The following TMIGD3 variants were observed in gnomAD, a reference collection of about 807,000 sequenced individuals.
TMIGD3 encodes AD026 protein (AD026).
A neutral mutation model predicts 28.1 loss-of-function variants in TMIGD3; 21 were observed. That is an observed-to-expected ratio of 0.75 (90% confidence interval 0.53 to 1.08). TMIGD3 has a LOEUF of 1.08. Ranked by LOEUF, TMIGD3 falls within the 50% of genes least tolerant of loss-of-function variation. The probability of loss-of-function intolerance (pLI) is 0.00; values close to 1 mark genes in which losing one functional copy is unlikely to be tolerated. For missense variants in TMIGD3, 416 were observed against 435.6 expected (o/e 0.96, Z 0.40); for synonymous variants, 151 against 162.1 (o/e 0.93, Z 0.52).
At chr1:111,526,615 T>C (rs1340976732) in intron 1 of TMIGD3, among the ~76,000 whole-genome samples, 20 of 152,168 alleles carry the variant, frequency 1.3e-4, no homozygotes, top group Non-Finnish European at 5.9e-5. Context: ...TTTATTACAA[T>C]GAAAGAACAT....
At chr1:111,488,252 T>C (rs1407749435) in intron 3 of TMIGD3, among the ~76,000 whole-genome samples, 1 of 151,796 alleles carries the variant, frequency 6.6e-6, no homozygotes, top group East Asian at 1.9e-4. Context: ...AGACTGAGTC[T>C]CACTCTATCG....
chr1:111,516,812 G>A (rs891504072), intron 1 of TMIGD3, among the ~76,000 whole-genome samples: 4 of 152,220 alleles, frequency 2.6e-5, no homozygotes, highest in African/African-American at 9.6e-5. Flanking sequence ...AGGAAAGCCA[G>A]AAATCCACAA....
chr1:111,527,164 C>T (rs1335482694), intron 1 of TMIGD3, among the ~76,000 whole-genome samples: 1 of 151,916 alleles, frequency 6.6e-6, no homozygotes, highest in Non-Finnish European at 1.5e-5. Context: ...GTGCATGCCA[C>T]CACACCCAGA....
intron 1 of TMIGD3, among the ~76,000 whole-genome samples, chr1:111,540,737 C>T (rs1322542514): frequency 6.6e-6 from 1 of 152,176 alleles, no homozygotes; most frequent in Non-Finnish European, 1.5e-5. Flanking sequence ...TTTTGCTTCC[C>T]TGACAAACCC....
intron 5 of TMIGD3, among the ~76,000 whole-genome samples, chr1:111,484,656 C>A (rs1004370778): frequency 1.3e-5 from 2 of 152,176 alleles, no homozygotes; most frequent in African/African-American, 4.8e-5. Flanking sequence ...AAGTATGAGG[C>A]CTTGAAGCCT....
At position 111,483,648 on chromosome 1, in the gene TMIGD3, G is replaced by A. The variant is rs766633397; in HGVS notation, c.*39C>T. The A allele has an allele frequency of 1.3e-6, 2 of 1,487,362 alleles. No individual in the cohort carries two copies. Among genetic ancestry groups the A allele is most frequent in the Non-Finnish European group, 1.9e-6 (2 of 1,066,614 alleles). 92.1% of individuals were successfully genotyped at this position (1,487,362 alleles called of 1,614,324 possible). ...CAGTTGTCATGGTGATTATTCTGTT[G>A]TAGCATCACTTTATGAACTAAATTA... On this transcript the variant is annotated 3_prime_UTR_variant, in exon 6 of 6. Coordinates refer to ENST00000369716, the MANE Select transcript of TMIGD3 (RefSeq NM_020683.7).
chr1:111,558,876 CA>C (rs1351447890), intron 1 of TMIGD3, among the ~76,000 whole-genome samples: 1 of 152,106 alleles, frequency 6.6e-6, no homozygotes, highest in Non-Finnish European at 1.5e-5. Flanking sequence ...ATTATTTAAA[CA>C]ACACCATAAG....
At chr1:111,512,179 A>AGTTG (rs1655711396) in intron 1 of TMIGD3, among the ~76,000 whole-genome samples, 1 of 152,248 alleles carries the variant, frequency 6.6e-6, no homozygotes. Flanking sequence ...TTGGCCAGTC[A>AGTTG]ACCCATGCTA....
chr1:111,537,584 A>G (rs1557840603), intron 1 of TMIGD3, among the ~76,000 whole-genome samples: 2 of 152,248 alleles, frequency 1.3e-5, no homozygotes, highest in Non-Finnish European at 2.9e-5. Context: ...GCAGTACTTT[A>G]AAATTTATCT....
rs769482619 is a variant in TMIGD3 at position 111,503,565 on chromosome 1, C to T, written c.-211G>A. On this transcript the variant is annotated 5_prime_UTR_variant, in exon 1 of 6. The change creates a new upstream start codon in the 5' untranslated region. Transcript: ENST00000369716. ...GAAAGGGCTCATCACAGGTGGGTCA[C>T]TTCCAGCCCCTTTATGCACCGCACA... 229 of 1,390,196 alleles carry T rather than the reference C, an allele frequency of 1.6e-4. No homozygotes were observed. The highest frequency in any genetic ancestry group is 2.0e-4 in the Non-Finnish European group (219 of 1,072,222). The allele number at this position is 1,390,196 out of a possible 1,614,324, so 86.1% of individuals were successfully genotyped here.
In TMIGD3 at chr1:111,499,490, C is replaced by T. The variant is rs1050632532; in HGVS notation, c.350+3515G>A. On this transcript the variant is annotated intron_variant, in intron 1 of 5. Transcript: ENST00000369716. ...AGGTGAATTCAGCAGTTTAAGTCCC[C>T]CTTAAACTCAGTTTATTTTTTCTGT... 28 of 996,896 alleles carry T rather than the reference C, an allele frequency of 2.8e-5. No homozygotes were observed. In the African/African-American group the frequency reaches 4.7e-4, roughly 17 times the overall value. 61.8% of individuals were successfully genotyped at this position (996,896 alleles called of 1,614,324 possible).
chr1:111,538,185 T>C (rs1656704100), intron 1 of TMIGD3, among the ~76,000 whole-genome samples: 1 of 152,196 alleles, frequency 6.6e-6, no homozygotes, highest in Admixed American at 6.5e-5. Context: ...ACACAATTTG[T>C]GCCTCTGGAA....
chr1:111,528,949 T>A (rs1350810608), intron 1 of TMIGD3, among the ~76,000 whole-genome samples: 1 of 152,082 alleles, frequency 6.6e-6, no homozygotes, highest in South Asian at 2.1e-4. Context: ...AATCATGTCA[T>A]TTGCAAAAAC....
rs1655363491 is a variant in TMIGD3 at position 111,503,526 on chromosome 1, A to T, written c.-172T>A. ...TTTTCTGGTGGGGTGATCTCTTGGA[A>T]ACCCTTCTCCTTAGAAAGGGCTCAT... On this transcript the variant is annotated 5_prime_UTR_variant, in exon 1 of 6. Transcript: ENST00000369716. 6 of 1,427,040 alleles carry T rather than the reference A, an allele frequency of 4.2e-6. No individual in the cohort carries two copies. Among genetic ancestry groups the T allele is most frequent in the Non-Finnish European group, 5.5e-6 (6 of 1,093,198 alleles). 88.4% of individuals were successfully genotyped at this position (1,427,040 alleles called of 1,614,324 possible).
chr1:111,547,602 C>T (rs1010795080), intron 1 of TMIGD3, among the ~76,000 whole-genome samples: 1 of 152,166 alleles, frequency 6.6e-6, no homozygotes, highest in African/African-American at 2.4e-5. Flanking sequence ...TCCTGGAAAT[C>T]TGACGTCAAT....
intron 1 of TMIGD3, among the ~76,000 whole-genome samples, chr1:111,535,460 T>C (rs1323259147): frequency 6.6e-6 from 1 of 152,250 alleles, no homozygotes; most frequent in East Asian, 1.9e-4. Flanking sequence ...TGAAATCAGA[T>C]GGGCATTTGT....
intron 1 of TMIGD3, among the ~76,000 whole-genome samples, chr1:111,552,483 G>A (rs577857700): frequency 1.3e-5 from 2 of 152,266 alleles, no homozygotes; most frequent in South Asian, 2.1e-4. Flanking sequence ...TGGCAAATTT[G>A]TAGTTGCTTT....
chr1:111,488,855 C>T lies in TMIGD3; in HGVS notation c.627G>A (p.Val209=). The T allele has an allele frequency of 6.2e-7, 1 of 1,614,184 alleles. No individual in the cohort carries two copies. Among genetic ancestry groups the T allele is most frequent in the Non-Finnish European group, 8.5e-7 (1 of 1,180,034 alleles). ...GCTGGTTCCCTGTGTCCCTCAGGGC[C>T]ACATGATTGGTGCTGTTAGGGGAGA... ...IAFSPNSTNH[V]ALRDTGNQLI... is the part of the protein sequence containing the mutation. Residue 209 remains valine (V), a synonymous_variant, in exon 3 of 6, where the codon GTG becomes GTA. Transcript: ENST00000369716.
chr1:111,527,405 C>T lies in TMIGD3; in HGVS notation c.107+36441G>A, dbSNP rs115252452. Among the ~76,000 whole-genome samples the T allele has an allele frequency of 6.0e-3, 916 of 152,258 alleles. 8 individuals are homozygous for T. The highest frequency in any genetic ancestry group is 0.021 in the African/African-American group (870 of 41,540). ...GTACCACAGTTTATTTATCTATTCA[C>T]CTACTGTAAAACATCTTGTTTACTT... On this transcript the variant is annotated intron_variant, in intron 1 of 5. Transcript: ENST00000369717.
Sources: gnomAD v4.1 joint callset for allele counts (sites outside exome capture counted in the v4.1 genomes callset) on GRCh38, gnomAD v4.1.1 for gene constraint, MANE v1.5 for transcripts, NCBI Gene and HGNC (gene_info 2026-07-23, HGNC 2026-07-21) for gene names.